Variants in PLCL2 observed in about 807,000 individuals in gnomAD.
The protein encoded by PLCL2 is phospholipase C like 2, also known as inactive phospholipase C-like protein 2.
In PLCL2, 4 loss-of-function variants were observed where a neutral mutation model predicts 79.6. That is an observed-to-expected ratio of 0.05 (90% CI 0.02 to 0.11). The LOEUF (loss-of-function observed/expected upper bound fraction) is 0.11. PLCL2 is among the 10% of genes least tolerant of loss of function. The pLI is 1.00. For synonymous variants in PLCL2, 484 were observed against 457.7 expected (o/e 1.06, Z -0.73); for missense variants, 895 against 1,291.0 (o/e 0.69, Z 4.70).
chr3:16,967,707 T>C (rs2063821075), intron 1 of PLCL2, among the ~76,000 whole-genome samples: 1 of 152,162 alleles, frequency 6.6e-6, no homozygotes, highest in South Asian at 2.1e-4. Context: ...TCTCATTCTG[T>C]AAGTTGTGTG....
chr3:16,884,992 G>T lies in PLCL2; in HGVS notation c.-48G>T, dbSNP rs1301591741. On this transcript the variant is annotated 5_prime_UTR_variant, in exon 1 of 6. Transcript: ENST00000615277. This position sits in a 1 kb window ranked among gnomAD's most constrained non-coding sequence, Gnocchi z 9.3. ...GGCGGCCCGAGGCGGCGGCGGGGACGCGGGGACGCGAGGACGCGGCTTTGT... is the reference window on the plus strand; with the variant it reads ...GGCGGCCCGAGGCGGCGGCGGGGACTCGGGGACGCGAGGACGCGGCTTTGT... 9.7e-6 allele frequency: 2 copies of T among 206,886 alleles called. No individual in the cohort carries two copies. Among genetic ancestry groups the T allele is most frequent in the Non-Finnish European group, 9.5e-6 (1 of 105,612 alleles). The allele number at this position is 206,886 out of a possible 1,614,324, so 12.8% of individuals were successfully genotyped here. A position where few individuals can be genotyped will look rare whatever the true frequency, so the allele number is the denominator to read the frequency against.
intron 1 of PLCL2, among the ~76,000 whole-genome samples, chr3:16,980,281 C>A (rs933545273): frequency 2.0e-5 from 3 of 146,768 alleles, no homozygotes; most frequent in African/African-American, 7.6e-5. Flanking sequence ...GCTGACCCCC[C>A]CCACCTCCCT....
chr3:17,088,831 G>A (rs1043933423), intron 5 of PLCL2, among the ~76,000 whole-genome samples: 2 of 152,122 alleles, frequency 1.3e-5, no homozygotes, highest in East Asian at 1.9e-4. Flanking sequence ...TGTCAGCACC[G>A]ATTCCAGACT....
intron 1 of PLCL2, among the ~76,000 whole-genome samples, chr3:16,939,918 C>A (rs551400932): frequency 6.6e-6 from 1 of 152,038 alleles, no homozygotes; most frequent in Non-Finnish European, 1.5e-5. Context: ...GAGGGAAGAC[C>A]CAGGCACATG....
chr3:16,982,575 T>C (rs2064010317), intron 1 of PLCL2, among the ~76,000 whole-genome samples: 1 of 152,182 alleles, frequency 6.6e-6, no homozygotes, highest in East Asian at 1.9e-4. Context: ...GAGCCTGGGA[T>C]GGGGTGTTGC....
At chr3:17,052,783 T>TG (rs1255819758) in intron 4 of PLCL2, among the ~76,000 whole-genome samples, 1 of 152,308 alleles carries the variant, frequency 6.6e-6, no homozygotes, top group African/African-American at 2.4e-5. Context: ...CACTTCCACG[T>TG]GATAAATAGT....
intron 4 of PLCL2, among the ~76,000 whole-genome samples, chr3:17,065,520 G>T (rs2065001179): frequency 6.6e-6 from 1 of 152,154 alleles, no homozygotes; most frequent in Non-Finnish European, 1.5e-5. Flanking sequence ...ATTAAGCCCA[G>T]TATACCAGTT....
rs1027317006 is a variant in PLCL2 at position 16,887,816 on chromosome 3, A to G, written c.327+2450A>G. On this transcript the variant is annotated intron_variant, in intron 1 of 5. Transcript: ENST00000615277. This position sits in a 1 kb window ranked among gnomAD's most constrained non-coding sequence, Gnocchi z 4.1. ...TTTGTTTAAAAAAAAAAAGAATAAA[A>G]AGCTAAAGCAGAAGCCCATGTGAAA... 1.3e-5 allele frequency among the ~76,000 whole-genome samples: 2 copies of G among 152,174 alleles called. No homozygotes were observed. Among genetic ancestry groups the G allele is most frequent in the African/African-American group, 4.8e-5 (2 of 41,442 alleles).
intron 1 of PLCL2, among the ~76,000 whole-genome samples, chr3:17,004,690 T>C (rs1001586471): frequency 6.6e-6 from 1 of 152,186 alleles, no homozygotes; most frequent in African/African-American, 2.4e-5. Context: ...GCATGACTTA[T>C]TCTTTCAATT....
intron 1 of PLCL2, among the ~76,000 whole-genome samples, chr3:16,906,591 T>A (rs1019332265): frequency 6.6e-6 from 1 of 152,218 alleles, no homozygotes; most frequent in Non-Finnish European, 1.5e-5. Context: ...TGAAAAGATT[T>A]ACTCTTCTGA....
At chr3:17,013,532 A>C (rs2064351337) in intron 2 of PLCL2, among the ~76,000 whole-genome samples, 1 of 152,248 alleles carries the variant, frequency 6.6e-6, no homozygotes, top group African/African-American at 2.4e-5. Context: ...TATCACAGTC[A>C]TGATTGATTT....
At chr3:16,914,662 C>A (rs1696952787) in intron 1 of PLCL2, among the ~76,000 whole-genome samples, 1 of 150,858 alleles carries the variant, frequency 6.6e-6, no homozygotes, top group African/African-American at 2.4e-5. Context: ...TTGTTAGCGT[C>A]TTCTTGTTAC....
rs576638123 is a variant in PLCL2 at position 17,064,269 on chromosome 3, G to A, written c.3095-3687G>A. 1.1e-4 allele frequency among the ~76,000 whole-genome samples: 17 copies of A among 152,184 alleles called. 1 individual carries two copies. The South Asian group carries it at 2.7e-3, about 24-fold the overall frequency. The stretch of plus-strand genomic sequence containing the variant: ...TTAGATATCTTAATGGATTTATTTT[G>A]TTTTATATAGACAGACTGATCCAGT... On this transcript the variant is annotated intron_variant, in intron 4 of 5. Coordinates refer to ENST00000615277, the MANE Select transcript of PLCL2 (RefSeq NM_001144382.2).
intron 1 of PLCL2, among the ~76,000 whole-genome samples, chr3:16,892,635 A>C (rs997224954): frequency 1.3e-5 from 2 of 152,262 alleles, no homozygotes; most frequent in Admixed American, 6.5e-5. Flanking sequence ...TAAGAGTTGT[A>C]GGAGTGCGAT....
chr3:16,972,404 A>G (rs898472976), intron 1 of PLCL2, among the ~76,000 whole-genome samples: 1 of 152,118 alleles, frequency 6.6e-6, no homozygotes, highest in Non-Finnish European at 1.5e-5. Context: ...AGTTTGTTTC[A>G]TGGCTGATTT....
chr3:17,031,929 C>CTTTTTTTTTT (rs35640259), intron 3 of PLCL2, among the ~76,000 whole-genome samples: 10 of 109,050 alleles, frequency 9.2e-5, no homozygotes, highest in East Asian at 7.8e-4. Context: ...CAATTTTCAC[C>CTTTTTTTTTT]TTTTTTTTTT....
intron 3 of PLCL2, 139 bp from the exon 4 acceptor site, chr3:17,042,735 A>T: frequency 1.6e-6 from 1 of 638,374 alleles, no homozygotes; most frequent in Non-Finnish European, 2.9e-6. Context: ...GCACATTTGA[A>T]GTTGAGTAGT....
At chr3:17,059,739 G>A (rs79954700) in intron 4 of PLCL2, among the ~76,000 whole-genome samples, 1,909 of 152,208 alleles carry the variant, frequency 0.013, 46 homozygotes, top group African/African-American at 0.045. Context: ...GCCTGAGAAG[G>A]GGAGGGAAAC....
Position 17,009,580 on chromosome 3 carries a change from AT to A in PLCL2, c.328-87del, listed in dbSNP as rs938020176. 4.5e-6 allele frequency: 3 copies of A among 662,358 alleles called. No homozygotes were observed. The highest frequency in any genetic ancestry group is 6.0e-5 in the Admixed American group (2 of 33,402). The allele number at this position is 662,358 out of a possible 1,614,324, so 41.0% of individuals were successfully genotyped here. ...TAGAATAGGAAATCTTAATAGTATG[AT>A]TTTTTTCTAGGAAATTAAATTTCTA... On this transcript the variant is annotated intron_variant, in intron 1 of 5. Coordinates refer to ENST00000615277, the MANE Select transcript of PLCL2 (RefSeq NM_001144382.2). This position sits in a 1 kb window ranked among gnomAD's most constrained non-coding sequence, Gnocchi z 4.0.
Sources: gnomAD v4.1 joint callset for allele counts (sites outside exome capture counted in the v4.1 genomes callset) on GRCh38, gnomAD v4.1.1 for gene constraint, Gnocchi (gnomAD v3.1) non-coding constraint, MANE v1.5 for transcripts, NCBI Gene and HGNC (gene_info 2026-07-23, HGNC 2026-07-21) for gene names.